Variants in CNTNAP3B observed in about 807,000 individuals in gnomAD.
The protein encoded by CNTNAP3B is contactin-associated protein-like 3B.
A neutral mutation model predicts 108.9 loss-of-function variants in CNTNAP3B; 25 were observed. That is an observed-to-expected ratio of 0.23 (90% CI 0.17 to 0.32). The LOEUF is 0.32. Ranked by LOEUF, CNTNAP3B falls within the 10% of genes least tolerant of loss-of-function variation. CNTNAP3B has a pLI of 1.00. For synonymous variants in CNTNAP3B, 103 were observed against 473.4 expected (o/e 0.22, Z 10.16); for missense variants, 252 against 1,210.4 (o/e 0.21, Z 11.75).
At chr9:41,928,474 T>G (rs1823880941) in intron 15 of CNTNAP3B, among the ~76,000 whole-genome samples, 1 of 151,964 alleles carries the variant, frequency 6.6e-6, no homozygotes, top group South Asian at 2.1e-4. Context: ...AGTGATGTTG[T>G]GTTCTCTTTG....
Position 41,975,020 on chromosome 9 carries a change from G to C in CNTNAP3B, c.1478-4775C>G, listed in dbSNP as rs1293049590. On this transcript the variant is annotated intron_variant, in intron 9 of 23. Coordinates refer to ENST00000377561, the MANE Select transcript of CNTNAP3B (RefSeq NM_001201380.3). ...CAGTGAAGGAGGAACAGGACAGACT[G>C]AGATCTCCAAACCGTCCTAGCAGCT... 10 of 231,632 alleles carry C rather than the reference G, an allele frequency of 4.3e-5. 2 individuals carry two copies. Among genetic ancestry groups the C allele is most frequent in the African/African-American group, 3.0e-4 (10 of 33,868 alleles). 14.3% of individuals were successfully genotyped at this position (231,632 alleles called of 1,614,324 possible).
chr9:42,030,803 GAGAGAGAGAGGAGAGA>G (rs1826507125), intron 3 of CNTNAP3B, among the ~76,000 whole-genome samples: 3 of 77,900 alleles, frequency 3.9e-5, no homozygotes, highest in Non-Finnish European at 7.7e-5. Context: ...GAGAGAGAGA[GAGAGAGAGAGGAGAGA>G]GAGAGAGAGA....
intron 15 of CNTNAP3B, chr9:41,926,591 T>G (rs1823826440): frequency 1.3e-5 from 2 of 152,310 alleles, no homozygotes; most frequent in Non-Finnish European, 1.5e-5. Flanking sequence ...CCTTCCTAGT[T>G]GCTGGGACTA....
intron 7 of CNTNAP3B, 132 bp from the exon 8 acceptor site, chr9:41,992,003 C>A: frequency 2.5e-6 from 2 of 807,706 alleles, no homozygotes; most frequent in Non-Finnish European, 3.8e-6. Flanking sequence ...AAGCTGAAAT[C>A]TATGACATTT....
intron 3 of CNTNAP3B, among the ~76,000 whole-genome samples, chr9:42,042,959 G>A (rs1336260355): frequency 6.7e-6 from 1 of 148,914 alleles, no homozygotes; most frequent in Non-Finnish European, 1.5e-5. Context: ...ATAGCCCAAA[G>A]AAAATGGGAT....
chr9:42,063,858 A>G (rs1016067202), intron 3 of CNTNAP3B, among the ~76,000 whole-genome samples: 5 of 150,350 alleles, frequency 3.3e-5, no homozygotes, highest in African/African-American at 1.2e-4. Flanking sequence ...AAGCGCTGAC[A>G]TTATAGGTAT....
chr9:42,087,066 T>C (rs1827718538), intron 2 of CNTNAP3B, among the ~76,000 whole-genome samples: 1 of 140,728 alleles, frequency 7.1e-6, no homozygotes, highest in Admixed American at 7.1e-5. Context: ...ATTTTATTTT[T>C]TAATGCTATT....
chr9:41,940,312 T>C (rs1824295998), intron 13 of CNTNAP3B, among the ~76,000 whole-genome samples: 1 of 152,296 alleles, frequency 6.6e-6, no homozygotes, highest in Non-Finnish European at 1.5e-5. Flanking sequence ...TTGAACTTTT[T>C]GGAAACAAAA....
chr9:41,915,982 A>T (rs1428703098), intron 18 of CNTNAP3B, among the ~76,000 whole-genome samples: 11 of 151,506 alleles, frequency 7.3e-5, no homozygotes, highest in African/African-American at 2.7e-4. Context: ...GATTTAGAAA[A>T]GTTATTTCTA....
intron 14 of CNTNAP3B, among the ~76,000 whole-genome samples, chr9:41,933,684 C>T (rs1214940155): frequency 6.6e-6 from 1 of 152,276 alleles, no homozygotes; most frequent in African/African-American, 2.4e-5. Context: ...TTTGGATTTT[C>T]TATGTAGGCA....
At chr9:42,098,306 G>T (rs1254461014) in intron 2 of CNTNAP3B, among the ~76,000 whole-genome samples, 1 of 128,082 alleles carries the variant, frequency 7.8e-6, no homozygotes, top group African/African-American at 3.2e-5. Context: ...GGGCGTGGTG[G>T]CTCACGCCTG....
chr9:42,125,693 CAG>C (rs1301529998), intron 1 of CNTNAP3B, among the ~76,000 whole-genome samples: 4 of 119,294 alleles, frequency 3.4e-5, no homozygotes, highest in Non-Finnish European at 6.7e-5. Flanking sequence ...TTTTTTGAGA[CAG>C]AGTCTCACTC....
At chr9:41,959,809 T>A (rs1825006451) in intron 12 of CNTNAP3B, among the ~76,000 whole-genome samples, 1 of 152,310 alleles carries the variant, frequency 6.6e-6, no homozygotes, top group Admixed American at 6.5e-5. Context: ...CATTTGGTTA[T>A]TGTCCAAATT....
At chr9:42,010,450 C>T (rs921511460) in intron 4 of CNTNAP3B, among the ~76,000 whole-genome samples, 38 of 141,664 alleles carry the variant, frequency 2.7e-4, no homozygotes, top group Non-Finnish European at 5.0e-4. Flanking sequence ...GAGATAGATG[C>T]GTCAAGGACT....
intron 2 of CNTNAP3B, among the ~76,000 whole-genome samples, chr9:42,085,938 G>T (rs1275967102): frequency 2.1e-5 from 3 of 144,994 alleles, no homozygotes; most frequent in Non-Finnish European, 4.5e-5. Flanking sequence ...ATGCCACATT[G>T]TGGTTATCCA....
intron 13 of CNTNAP3B, among the ~76,000 whole-genome samples, chr9:41,950,721 C>T (rs1421956476): frequency 6.9e-6 from 1 of 144,440 alleles, no homozygotes; most frequent in Admixed American, 7.0e-5. Context: ...TGGTTATTAA[C>T]GAGCAATAGA....
chr9:42,055,519 C>T (rs1449758610), intron 3 of CNTNAP3B, among the ~76,000 whole-genome samples: 2 of 141,924 alleles, frequency 1.4e-5, no homozygotes, highest in Non-Finnish European at 3.0e-5. Context: ...TAGTTAATCT[C>T]TTCATGCACA....
chr9:42,036,149 T>G, intron 3 of CNTNAP3B, among the ~76,000 whole-genome samples: 1 of 149,598 alleles, frequency 6.7e-6, no homozygotes, highest in Admixed American at 6.7e-5. Flanking sequence ...CAAGCACTCT[T>G]CCCATTTTGG....
chr9:41,944,322 A>G (rs1451961876), intron 13 of CNTNAP3B, among the ~76,000 whole-genome samples: 1 of 146,798 alleles, frequency 6.8e-6, no homozygotes, highest in African/African-American at 2.5e-5. Flanking sequence ...AATAGGTAAC[A>G]GCTCTAAATA....
Sources: gnomAD v4.1 joint callset for allele counts (sites outside exome capture counted in the v4.1 genomes callset) on GRCh38, gnomAD v4.1.1 for gene constraint, MANE v1.5 for transcripts, NCBI Gene and HGNC (gene_info 2026-07-23, HGNC 2026-07-21) for gene names.